The following CNTNAP2 variants were observed in gnomAD, a reference collection of about 807,000 sequenced individuals.
CNTNAP2 encodes contactin associated protein 2.
Under a neutral mutation model 155.2 loss-of-function variants are expected in CNTNAP2, and 98 were observed. That is an observed-to-expected ratio of 0.63 (90% CI 0.54 to 0.75). CNTNAP2 has a LOEUF of 0.75. Ranked by LOEUF, CNTNAP2 falls within the 30% of genes least tolerant of loss-of-function variation. The pLI is 0.00. For synonymous variants in CNTNAP2, 651 were observed against 631.2 expected (o/e 1.03, Z -0.47); for missense variants, 1,727 against 1,688.1 (o/e 1.02, Z -0.40).
intron 1 of CNTNAP2, among the ~76,000 whole-genome samples, chr7:146,386,753 A>G (rs1046336637): frequency 5.9e-5 from 9 of 152,334 alleles, no homozygotes; most frequent in African/African-American, 1.2e-4. Flanking sequence ...CATATTGGCT[A>G]TATTTTCTCT....
chr7:147,815,031 G>A (rs1563098950), intron 13 of CNTNAP2, among the ~76,000 whole-genome samples: 1 of 152,152 alleles, frequency 6.6e-6, no homozygotes, highest in African/African-American at 2.4e-5. Flanking sequence ...GGGGTTGGAG[G>A]GAGAGAGTGG....
chr7:146,322,407 T>C lies in CNTNAP2; in HGVS notation c.97+205434T>C, dbSNP rs567398642. Among the ~76,000 whole-genome samples the C allele has an allele frequency of 2.6e-5, 4 of 152,296 alleles. No homozygotes were observed. In the East Asian group the frequency reaches 7.7e-4, roughly 29 times the overall value. On this transcript the variant is annotated intron_variant, in intron 1 of 23. Coordinates refer to ENST00000361727, the MANE Select transcript of CNTNAP2 (RefSeq NM_014141.6). ...GTGCATGATGTTTAGAGGCATTTTA[T>C]GATTTTTACAAGCATAATGTTTTCA... is the stretch of plus-strand genomic sequence containing the variant.
rs141767836 is a variant in CNTNAP2, at chr7:147,271,971, C to A, written c.1349-28170C>A. 1.6e-3 allele frequency among the ~76,000 whole-genome samples: 249 copies of A among 152,266 alleles called. 3 individuals carry two copies. Among genetic ancestry groups the A allele is most frequent in the African/African-American group, 5.6e-3 (232 of 41,558 alleles). The stretch of plus-strand genomic sequence containing the variant: ...GCTATGGCGCAGTCTTGGCTCACTG[C>A]AACCTCCACCTCCTGGGTTCAAGCA... On this transcript the variant is annotated intron_variant, in intron 8 of 23. Transcript: ENST00000361727.
intron 16 of CNTNAP2, among the ~76,000 whole-genome samples, chr7:148,130,594 G>A (rs1804810942): frequency 6.6e-6 from 1 of 152,122 alleles, no homozygotes; most frequent in Non-Finnish European, 1.5e-5. Flanking sequence ...TCCCAAGCTT[G>A]GTAAGTGATT....
chr7:146,775,656 C>G (rs1802377810), intron 2 of CNTNAP2, among the ~76,000 whole-genome samples: 1 of 149,134 alleles, frequency 6.7e-6, no homozygotes, highest in South Asian at 2.1e-4. Flanking sequence ...CAGGAGGAAA[C>G]CCAAAAGAAG....
intron 21 of CNTNAP2, among the ~76,000 whole-genome samples, chr7:148,312,262 ATTG>A (rs1268218302): frequency 1.3e-5 from 2 of 152,098 alleles, no homozygotes; most frequent in Non-Finnish European, 2.9e-5. Flanking sequence ...AAGGAAAGGA[ATTG>A]TTGTTTTGTA....
At chr7:147,457,384 T>C (rs1027850661) in intron 10 of CNTNAP2, among the ~76,000 whole-genome samples, 1 of 152,160 alleles carries the variant, frequency 6.6e-6, no homozygotes, top group Non-Finnish European at 1.5e-5. Context: ...GAAATTCTTC[T>C]TCCGCCATAT....
chr7:147,366,790 C>T (rs1796237451), intron 9 of CNTNAP2, among the ~76,000 whole-genome samples: 1 of 139,126 alleles, frequency 7.2e-6, no homozygotes, highest in Non-Finnish European at 1.6e-5. Context: ...CGCACACACA[C>T]ACACACACAC....
chr7:148,395,655 C>T (rs951053712), intron 22 of CNTNAP2, among the ~76,000 whole-genome samples: 1 of 152,142 alleles, frequency 6.6e-6, no homozygotes, highest in African/African-American at 2.4e-5. Flanking sequence ...TGACTGGCAG[C>T]AGGGTTGGAT....
intron 1 of CNTNAP2, among the ~76,000 whole-genome samples, chr7:146,642,142 AT>A (rs1270488255): frequency 6.6e-6 from 1 of 151,374 alleles, no homozygotes; most frequent in Non-Finnish European, 1.5e-5. Flanking sequence ...TTATTTTTTT[AT>A]TTTTTATTTT....
At position 146,958,659 on chromosome 7, in the gene CNTNAP2, T is replaced by C. The variant is rs200809887; in HGVS notation, c.403-85248T>C. On this transcript the variant is annotated intron_variant, in intron 3 of 23. Transcript: ENST00000361727. ...CGATCTCCTGACCTCGTGATCCGCC[T>C]GCCTCGGCCTCCCAAAGTGCTGGGA... Among the ~76,000 whole-genome samples the C allele has an allele frequency of 5.3e-5, 8 of 151,970 alleles. No individual in the cohort carries two copies. The South Asian group carries it at 6.2e-4, about 12-fold the overall frequency.
intron 4 of CNTNAP2, among the ~76,000 whole-genome samples, chr7:147,056,972 A>G: frequency 6.9e-6 from 1 of 144,300 alleles, no homozygotes; most frequent in African/African-American, 2.6e-5. Flanking sequence ...AGATGGGGTT[A>G]TTTTTTTTTT....
At chr7:147,449,398 G>A (rs1029836908) in intron 10 of CNTNAP2, among the ~76,000 whole-genome samples, 2 of 152,036 alleles carry the variant, frequency 1.3e-5, no homozygotes, top group Non-Finnish European at 1.5e-5. Context: ...GGTTATCCCC[G>A]TGGGCAACCT....
intron 1 of CNTNAP2, among the ~76,000 whole-genome samples, chr7:146,269,544 G>A (rs185660592): frequency 6.6e-6 from 1 of 152,228 alleles, no homozygotes; most frequent in Admixed American, 6.5e-5. Context: ...GCTAGTTTTG[G>A]TTTGGAAAAA....
chr7:146,215,200 C>T (rs2116888421), intron 1 of CNTNAP2, among the ~76,000 whole-genome samples: 1 of 152,268 alleles, frequency 6.6e-6, no homozygotes, highest in Non-Finnish European at 1.5e-5. Flanking sequence ...GAAACTAATA[C>T]ATAACTCTCA....
At chr7:147,588,328 T>A (rs891297603) in intron 12 of CNTNAP2, among the ~76,000 whole-genome samples, 8 of 152,180 alleles carry the variant, frequency 5.3e-5, no homozygotes, top group African/African-American at 1.9e-4. Context: ...CAAGAAAAGA[T>A]GATCAGCTAG....
At chr7:147,017,859 T>C (rs541289554) in intron 3 of CNTNAP2, among the ~76,000 whole-genome samples, 152 of 152,162 alleles carry the variant, frequency 1.0e-3, no homozygotes, top group African/African-American at 3.6e-3. Flanking sequence ...GAATGAAAGA[T>C]TGTTGAGATA....
intron 4 of CNTNAP2, among the ~76,000 whole-genome samples, chr7:147,075,701 A>G (rs1217032155): frequency 6.6e-6 from 1 of 152,108 alleles, no homozygotes; most frequent in African/African-American, 2.4e-5. Flanking sequence ...TTACATATGT[A>G]TACATGTGCC....
chr7:147,787,219 G>A (rs1313172906), intron 13 of CNTNAP2, among the ~76,000 whole-genome samples: 1 of 152,204 alleles, frequency 6.6e-6, no homozygotes, highest in Non-Finnish European at 1.5e-5. Flanking sequence ...CACTGGTACT[G>A]CAGATGGCTG....
Sources: gnomAD v4.1 joint callset for allele counts (sites outside exome capture counted in the v4.1 genomes callset) on GRCh38, gnomAD v4.1.1 for gene constraint, MANE v1.5 for transcripts, NCBI Gene and HGNC (gene_info 2026-07-23, HGNC 2026-07-21) for gene names.